RBMS3: variants seen among roughly 807,000 people sequenced by gnomAD.
RBMS3 encodes the protein RNA-binding motif, single-stranded-interacting protein 3.
A neutral mutation model predicts 66.8 loss-of-function variants in RBMS3; 27 were observed. That is an observed-to-expected ratio of 0.40 (90% CI 0.30 to 0.56). The LOEUF is 0.56. Among genes scored for constraint, RBMS3 ranks in the 20% least tolerant of loss-of-function variants. The pLI, the probability that RBMS3 is intolerant of heterozygous loss-of-function variation, is 0.40. For synonymous variants in RBMS3, 188 were observed against 183.0 expected (o/e 1.03, Z -0.22); for missense variants, 513 against 549.5 (o/e 0.93, Z 0.66).
chr3:29,460,616 G>A (rs1272152963), intron 2 of RBMS3, among the ~76,000 whole-genome samples: 1 of 152,214 alleles, frequency 6.6e-6, no homozygotes, highest in Non-Finnish European at 1.5e-5. Flanking sequence ...CATAAGAGCT[G>A]AGCTGAGTAA....
chr3:29,420,167 C>A (rs1312177450), intron 1 of RBMS3, among the ~76,000 whole-genome samples: 1 of 152,180 alleles, frequency 6.6e-6, no homozygotes, highest in Non-Finnish European at 1.5e-5. Context: ...TTCCACCTTT[C>A]TTTGAGAAAT....
intron 6 of RBMS3, among the ~76,000 whole-genome samples, chr3:29,839,726 G>T (rs1218505215): frequency 6.6e-6 from 1 of 151,724 alleles, no homozygotes; most frequent in South Asian, 2.1e-4. Flanking sequence ...ACACCAAAAT[G>T]ATAATAGTCA....
intron 5 of RBMS3, among the ~76,000 whole-genome samples, chr3:29,751,383 G>A (rs1252259000): frequency 6.6e-6 from 1 of 152,158 alleles, no homozygotes; most frequent in Admixed American, 6.5e-5. Flanking sequence ...TATTAAAAAT[G>A]ATCAGTATTT....
chr3:29,871,664 C>T (rs1428344567), intron 7 of RBMS3, among the ~76,000 whole-genome samples: 1 of 152,000 alleles, frequency 6.6e-6, no homozygotes, highest in East Asian at 1.9e-4. Context: ...AAGATAATAG[C>T]ACAGACTGAG....
chr3:29,726,043 G>T lies in RBMS3; in HGVS notation c.400-13677G>T, dbSNP rs539394306. Among the ~76,000 whole-genome samples, 332 of 152,266 alleles carry T rather than the reference G, an allele frequency of 2.2e-3. 2 individuals are homozygous for T. The highest frequency in any genetic ancestry group is 7.6e-3 in the African/African-American group (314 of 41,550). ...GTTGGCTTCATCCCAGGGATGCAAG[G>T]CTGGTTCAACATATGCAAATCAATA... On this transcript the variant is annotated intron_variant, in intron 4 of 14. Coordinates refer to ENST00000383767, the MANE Select transcript of RBMS3 (RefSeq NM_001003793.3).
chr3:29,919,169 A>G (rs1577144472), intron 10 of RBMS3, among the ~76,000 whole-genome samples: 4 of 152,288 alleles, frequency 2.6e-5, no homozygotes, highest in Admixed American at 2.6e-4. Flanking sequence ...AATTTGCCAA[A>G]CACAGACCTT....
chr3:29,342,657 T>G (rs1006898389), intron 1 of RBMS3, among the ~76,000 whole-genome samples: 7 of 152,142 alleles, frequency 4.6e-5, no homozygotes, highest in Non-Finnish European at 1.0e-4. Context: ...TCCATAGTTA[T>G]AAAAAATATA....
intron 4 of RBMS3, among the ~76,000 whole-genome samples, chr3:29,718,895 C>CT (rs1282316181): frequency 7.9e-5 from 12 of 152,150 alleles, no homozygotes; most frequent in African/African-American, 2.4e-4. Context: ...TGCACACATT[C>CT]TTTTTGTTTT....
intron 6 of RBMS3, among the ~76,000 whole-genome samples, chr3:29,776,472 A>C (rs1433210371): frequency 6.6e-6 from 1 of 152,028 alleles, no homozygotes; most frequent in East Asian, 1.9e-4. Context: ...ATATGTAACA[A>C]GCCTGCATGT....
intron 2 of RBMS3, among the ~76,000 whole-genome samples, chr3:29,468,369 C>T (rs1051656067): frequency 2.0e-5 from 3 of 152,104 alleles, no homozygotes; most frequent in African/African-American, 7.2e-5. Context: ...ACACAATACC[C>T]ATATGTACCT....
intron 3 of RBMS3, among the ~76,000 whole-genome samples, chr3:29,585,752 A>G (rs548504990): frequency 4.1e-4 from 63 of 151,972 alleles, no homozygotes; most frequent in Non-Finnish European, 1.6e-4. Flanking sequence ...TTACCCATTT[A>G]GTTTGATTTT....
chr3:29,755,307 A>G (rs1449219820), intron 5 of RBMS3, among the ~76,000 whole-genome samples: 1 of 152,222 alleles, frequency 6.6e-6, no homozygotes, highest in Non-Finnish European at 1.5e-5. Context: ...CAAGTGAAAG[A>G]AGTAGTTTCT....
chr3:29,716,404 A>C (rs912818051), intron 4 of RBMS3, among the ~76,000 whole-genome samples: 3 of 152,184 alleles, frequency 2.0e-5, no homozygotes, highest in African/African-American at 7.2e-5. Context: ...TTTTGCTAAT[A>C]ATGCAAGTCA....
At chr3:29,718,709 A>G (rs1036671044) in intron 4 of RBMS3, among the ~76,000 whole-genome samples, 2 of 152,158 alleles carry the variant, frequency 1.3e-5, no homozygotes, top group African/African-American at 4.8e-5. Flanking sequence ...CATGCTTGGT[A>G]TGTAACTAGT....
chr3:29,721,823 T>C lies in RBMS3; in HGVS notation c.400-17897T>C, dbSNP rs78338339. On this transcript the variant is annotated intron_variant, in intron 4 of 14. Coordinates refer to ENST00000383767, the MANE Select transcript of RBMS3 (RefSeq NM_001003793.3). ...AAAGAGAATTTATGTGGCTCTTCTT[T>C]TATTTACTATTGCCTATTGATGCCT... Among the ~76,000 whole-genome samples the C allele has an allele frequency of 8.2e-3, 1,248 of 152,286 alleles. 21 individuals are homozygous for C. Among genetic ancestry groups the C allele is most frequent in the African/African-American group, 0.028 (1,182 of 41,564 alleles).
chr3:29,494,009 A>G (rs528201308), intron 3 of RBMS3, among the ~76,000 whole-genome samples: 84 of 152,196 alleles, frequency 5.5e-4, no homozygotes, highest in Non-Finnish European at 9.1e-4. Context: ...GGCAAAGGCT[A>G]TACAATTAAA....
At chr3:29,429,146 G>A (rs2041083443) in intron 1 of RBMS3, among the ~76,000 whole-genome samples, 1 of 152,158 alleles carries the variant, frequency 6.6e-6, no homozygotes, top group Non-Finnish European at 1.5e-5. Context: ...CTCCAGCTGT[G>A]TGACCTTGAG....
chr3:29,505,506 G>GTTTTTTTTTTTTTTTTTT (rs749285833), intron 3 of RBMS3, among the ~76,000 whole-genome samples: 1 of 107,300 alleles, frequency 9.3e-6, no homozygotes, highest in African/African-American at 3.5e-5. Context: ...CTTCAATTTT[G>GTTTTTTTTTTTTTTTTTT]TTTTTTTTTT....
At chr3:29,544,838 A>T (rs1303653510) in intron 3 of RBMS3, among the ~76,000 whole-genome samples, 1 of 152,148 alleles carries the variant, frequency 6.6e-6, no homozygotes, top group East Asian at 1.9e-4. Flanking sequence ...AAAACAGATA[A>T]CAGATGGGAT....
Sources: gnomAD v4.1 joint callset for allele counts (sites outside exome capture counted in the v4.1 genomes callset) on GRCh38, gnomAD v4.1.1 for gene constraint, MANE v1.5 for transcripts, NCBI Gene and HGNC (gene_info 2026-07-23, HGNC 2026-07-21) for gene names.